The following ADCY3 variants were observed in gnomAD, a reference collection of about 807,000 sequenced individuals.
The protein encoded by ADCY3 is adenylate cyclase 3, also known as adenylate cyclase type 3.
Under a neutral mutation model 119.4 loss-of-function variants are expected in ADCY3, and 70 were observed. The observed-to-expected ratio is 0.59, with a 90% CI of 0.48 to 0.72. The LOEUF (loss-of-function observed/expected upper bound fraction) is 0.72, where lower values mean the gene tolerates loss of function less well. ADCY3 is among the 30% of genes least tolerant of loss of function. The pLI is 0.00. For synonymous variants in ADCY3, 672 were observed against 621.4 expected (o/e 1.08, Z -1.21); for missense variants, 1,238 against 1,541.6 (o/e 0.80, Z 3.30).
rs558950220 is a variant in ADCY3 at position 24,833,402 on chromosome 2, G to A, written c.1967+1083C>T. The stretch of plus-strand genomic sequence containing the variant: ...GTGTCCCCCAGATAGGAGAAGGCTC[G>A]CCCCTCACCCGCTTCCAGGCGTTAC... On this transcript the variant is annotated intron_variant, in intron 11 of 21. Transcript: ENST00000679454. Among the ~76,000 whole-genome samples, 5 of 152,216 alleles carry A rather than the reference G, an allele frequency of 3.3e-5. No individual in the cohort carries two copies. In the South Asian group the frequency reaches 6.2e-4, roughly 19 times the overall value.
At chr2:24,913,085 G>C (rs534215483) in intron 2 of ADCY3, among the ~76,000 whole-genome samples, 2 of 152,240 alleles carry the variant, frequency 1.3e-5, no homozygotes, top group African/African-American at 4.8e-5. Flanking sequence ...TTCCCGTCCC[G>C]GGTCAGTGGA....
Position 24,820,772 on chromosome 2 carries a change from G to A in ADCY3, c.3204C>T (p.Val1068=), listed in dbSNP as rs1427403684. 6.2e-7 allele frequency: 1 copy of A among 1,613,964 alleles called. No individual in the cohort carries two copies. The highest frequency in any genetic ancestry group is 1.3e-5 in the African/African-American group (1 of 74,882). ...TGGACTCCATCCTGCTGGCTACATT[G>A]ACTGTATTGCCCCAGATGTCGTAGT... ...KPHYDIWGNT[V]NVASRMESTG... is the part of the protein sequence containing the mutation. The change falls in exon 21 of 22, where the codon GTC becomes GTT. Residue 1068 remains valine (V), a synonymous_variant. Transcript: ENST00000679454.
At chr2:24,904,151 A>G (rs888872527) in intron 2 of ADCY3, among the ~76,000 whole-genome samples, 1 of 152,018 alleles carries the variant, frequency 6.6e-6, no homozygotes, top group Admixed American at 6.6e-5. Context: ...GAGAGAGAGA[A>G]AGAAAGAAAG....
Position 24,827,923 on chromosome 2 carries a change from T to C in ADCY3, c.2411A>G (p.His804Arg). 6.2e-7 allele frequency: 1 copy of C among 1,614,108 alleles called. No homozygotes were observed. Among genetic ancestry groups the C allele is most frequent in the African/African-American group, 1.3e-5 (1 of 75,030 alleles). Residue 804 changes from histidine (H) to arginine (R), a missense_variant, in exon 14 of 22, where the codon CAC becomes CGC. His to Arg is a conservative substitution (Grantham distance 29). This residue lies in a region of ADCY3 where 499 missense variants were observed against 571.0 expected (regional missense o/e 0.87). Coordinates refer to ENST00000679454, the MANE Select transcript of ADCY3 (RefSeq NM_004036.5). ...AWRPVFDEYD[H>R]KRFREHDLPM... ...TTACTCGTGCTCCCGAAAACGCTTG[T>C]GGTCGTATTCATCAAAGACGGGACG...
Position 24,919,479 on chromosome 2 carries a change from T to G in ADCY3, c.-198+204A>C. 6.3e-6 allele frequency: 1 copy of G among 159,068 alleles called. No individual in the cohort carries two copies. The highest frequency in any genetic ancestry group is 1.4e-5 in the Non-Finnish European group (1 of 72,504). The allele number at this position is 159,068 out of a possible 1,614,324, so 9.9% of individuals were successfully genotyped here. ...TCAGTCCCCGACTTCCTCACCTAAA[T>G]TCCCTCCAGGCCCAGTCCTTAGAAG... On this transcript the variant is annotated intron_variant, in intron 1 of 21. Transcript: ENST00000679454. This position sits in a 1 kb window ranked among gnomAD's most constrained non-coding sequence, Gnocchi z 5.5.
At chr2:24,829,634 G>C (rs557161520) in intron 13 of ADCY3, among the ~76,000 whole-genome samples, 2 of 151,380 alleles carry the variant, frequency 1.3e-5, no homozygotes, top group South Asian at 2.1e-4. Flanking sequence ...GTGTTAGCCA[G>C]GATGATTTCG....
Position 24,841,579 on chromosome 2 carries a change from CA to C in ADCY3, c.1044del (p.Phe348LeufsTer94). 6.2e-7 allele frequency: 1 copy of C among 1,613,232 alleles called. No homozygotes were observed. The highest frequency in any genetic ancestry group is 8.5e-7 in the Non-Finnish European group (1 of 1,179,934). Reference sequence around the variant, plus strand: ...ACAGCTGCCAGCTTGTCAAAGCGGGCAAAGAGCTCGTTGAGCAGCTTCACAA... The same window carrying C: ...ACAGCTGCCAGCTTGTCAAAGCGGGCAAGAGCTCGTTGAGCAGCTTCACAA... ...QELVKLLNELFARFDKLAAKY... is the reference protein window; with the variant it reads ...QELVKLLNELXARFDKLAAKY... On this transcript the variant is annotated frameshift_variant, in exon 5 of 22. Coordinates refer to ENST00000679454, the MANE Select transcript of ADCY3 (RefSeq NM_004036.5). LOFTEE classifies it high-confidence loss of function. The surrounding 1 kb of genome is among the most constrained non-coding windows in gnomAD (Gnocchi z 5.8).
intron 18 of ADCY3, among the ~76,000 whole-genome samples, 156 bp from the exon 19 acceptor site, chr2:24,822,786 T>TC (rs1277174875): frequency 6.6e-6 from 1 of 152,220 alleles, no homozygotes; most frequent in East Asian, 1.9e-4. Flanking sequence ...TGCCACATGA[T>TC]CCTGGGAGAA....
chr2:24,911,220 T>C (rs1227772295), intron 2 of ADCY3, among the ~76,000 whole-genome samples: 3 of 141,948 alleles, frequency 2.1e-5, no homozygotes, highest in Non-Finnish European at 3.0e-5. Context: ...AAGGGTTCTT[T>C]TTTTTTTTTT....
Position 24,841,783 on chromosome 2 carries a change from T to TC in ADCY3, c.957-117dup. On this transcript the variant is annotated intron_variant, in intron 4 of 21. Coordinates refer to ENST00000679454, the MANE Select transcript of ADCY3 (RefSeq NM_004036.5). The surrounding 1 kb of genome is among the most constrained non-coding windows in gnomAD (Gnocchi z 5.8). ...CCAGGATCAGGGCAGGAGAAGGTCC[T>TC]CCCTCACGACCCCCAGACAGTGAGA... The TC allele has an allele frequency of 1.4e-6, 1 of 736,024 alleles. No homozygotes were observed. 45.6% of individuals were successfully genotyped at this position (736,024 alleles called of 1,614,324 possible).
chr2:24,853,988 C>T (rs928409053), intron 3 of ADCY3, among the ~76,000 whole-genome samples: 1 of 152,118 alleles, frequency 6.6e-6, no homozygotes, highest in African/African-American at 2.4e-5. Flanking sequence ...TCTTGTGATC[C>T]ATTTCAGGCC....
intron 2 of ADCY3, among the ~76,000 whole-genome samples, chr2:24,880,977 T>C (rs1212390769): frequency 6.6e-6 from 1 of 150,618 alleles, no homozygotes; most frequent in Non-Finnish European, 1.5e-5. Context: ...ATAGCACCAC[T>C]GCACTCCAGC....
At position 24,827,550 on chromosome 2, in the gene ADCY3, C is replaced by G; in HGVS notation, c.2491G>C (p.Asp831His). 6.3e-7 allele frequency: 1 copy of G among 1,585,566 alleles called. No individual in the cohort carries two copies. Among genetic ancestry groups the G allele is most frequent in the Non-Finnish European group, 8.6e-7 (1 of 1,162,886 alleles). Residue 831 changes from aspartate to histidine, a missense_variant, in exon 15 of 22, where the codon GAC becomes CAC. Asp to His is a moderately conservative substitution (Grantham distance 81). Coordinates refer to ENST00000679454, the MANE Select transcript of ADCY3 (RefSeq NM_004036.5). ...AGGGGAAGCCGTGGCCCTTACCTGT[C>G]AGTGCCATTGAGCCCAGGGTTGAAT... ...QGFNPGLNGTDRLPLVPSKYS... is the reference protein window; with the variant it reads ...QGFNPGLNGTHRLPLVPSKYS...
At position 24,838,532 on chromosome 2, in the gene ADCY3, T is replaced by A. The variant is rs1403723907; in HGVS notation, c.1446A>T (p.Leu482=). ...PGDGGSRCDY[L]EEKGIETYLI... ...GGTAGGTTTCAATACCCTTCTCTTC[T>A]AGGTAATCACAGCGGCTGCCCCCAT... is the stretch of plus-strand genomic sequence containing the variant. The change falls in exon 8 of 22, where the codon CTA becomes CTT. Residue 482 remains leucine, a synonymous_variant. Coordinates refer to ENST00000679454, the MANE Select transcript of ADCY3 (RefSeq NM_004036.5). 1 of 1,614,052 alleles carries A rather than the reference T, an allele frequency of 6.2e-7. No homozygotes were observed.
intron 13 of ADCY3, among the ~76,000 whole-genome samples, chr2:24,828,897 G>A (rs939346779): frequency 1.3e-5 from 2 of 152,208 alleles, no homozygotes; most frequent in Admixed American, 1.3e-4. Flanking sequence ...CAGGTTCCAG[G>A]CATGTTGTGA....
At chr2:24,831,615 C>T (rs1390843441) in intron 12 of ADCY3, 47 bp downstream of exon 12, 1 of 1,447,310 alleles carries the variant, frequency 6.9e-7, no homozygotes, top group South Asian at 1.2e-5. Flanking sequence ...CAGGGAGTGC[C>T]ACTCACTTCC....
chr2:24,893,489 T>C (rs1390431456), intron 2 of ADCY3, among the ~76,000 whole-genome samples: 1 of 151,934 alleles, frequency 6.6e-6, no homozygotes, highest in Non-Finnish European at 1.5e-5. Context: ...AGCACTGGGA[T>C]TGAAGGCATG....
chr2:24,820,007 C>T lies in ADCY3; in HGVS notation c.3360G>A (p.Lys1120=). 2 of 1,612,762 alleles carry T rather than the reference C, an allele frequency of 1.2e-6. No homozygotes were observed. Among genetic ancestry groups the T allele is most frequent in the East Asian group, 2.2e-5 (1 of 44,666 alleles). ...GKGELLTFFL[K]GRDKLATFPN... ...GGAAGGTGGCTAGCTTATCCCGCCC[C>T]TTCAAGAAGAAGGTCAGCAGCTCCC... The change falls in exon 22 of 22, where the codon AAG becomes AAA. Residue 1120 remains lysine (K), a synonymous_variant. Coordinates refer to ENST00000679454, the MANE Select transcript of ADCY3 (RefSeq NM_004036.5).
chr2:24,918,626 A>T lies in ADCY3; in HGVS notation c.362T>A (p.Leu121His), dbSNP rs775677052. ...AGIGLVLDII[L>H]FVLCKKGLLP... ...CAGCCCCTTTTTGCAGAGCACGAAG[A>T]GGATGATGTCCAACACCAGTCCAAT... The change falls in exon 2 of 22, where the codon CTC becomes CAC. Residue 121 changes from leucine (L) to histidine (H), a missense_variant. Physicochemically the swap from Leu to His is moderately conservative, Grantham distance 99. Coordinates refer to ENST00000679454, the MANE Select transcript of ADCY3 (RefSeq NM_004036.5). This position sits in a 1 kb window ranked among gnomAD's most constrained non-coding sequence, Gnocchi z 5.4. 1.9e-6 allele frequency: 3 copies of T among 1,614,170 alleles called. No homozygotes were observed. The Admixed American group carries it at 5.0e-5, about 27-fold the overall frequency.
Sources: allele counts gnomAD v4.1 joint callset (sites outside exome capture counted in the v4.1 genomes callset), GRCh38; gene constraint gnomAD v4.1.1; regional missense constraint gnomAD v4.1.1; non-coding constraint Gnocchi (gnomAD v3.1); transcripts MANE v1.5; gene names NCBI Gene and HGNC (gene_info 2026-07-23, HGNC 2026-07-21).